NIBAN1: variants seen among roughly 807,000 people sequenced by gnomAD.
NIBAN1 encodes protein Niban 1.
Under a neutral mutation model 75.1 loss-of-function variants are expected in NIBAN1, and 81 were observed. That is an observed-to-expected ratio of 1.08 (90% confidence interval 0.90 to 1.30). The LOEUF (loss-of-function observed/expected upper bound fraction) is 1.30. NIBAN1 is among the 50% of genes most tolerant of loss of function. The probability of loss-of-function intolerance (pLI) is 0.00; values close to 1 mark genes in which losing one functional copy is unlikely to be tolerated. For synonymous variants in NIBAN1, 436 were observed against 424.8 expected (o/e 1.03, Z -0.32); for missense variants, 1,133 against 1,128.1 (o/e 1.00, Z -0.06).
chr1:184,831,336 G>A (rs1335372347), intron 6 of NIBAN1, among the ~76,000 whole-genome samples: 1 of 152,060 alleles, frequency 6.6e-6, no homozygotes, highest in Non-Finnish European at 1.5e-5. Flanking sequence ...ATTCAATAAA[G>A]ACAGCTGCGT....
intron 5 of NIBAN1, among the ~76,000 whole-genome samples, chr1:184,863,002 C>G (rs1655856426): frequency 6.6e-6 from 1 of 152,038 alleles, no homozygotes; most frequent in South Asian, 2.1e-4. Context: ...TCCCACCCTC[C>G]AGCCTCCGGA....
chr1:184,824,934 C>A (rs1473165771), intron 6 of NIBAN1, among the ~76,000 whole-genome samples: 1 of 152,146 alleles, frequency 6.6e-6, no homozygotes, highest in African/African-American at 2.4e-5. Context: ...GGCACAAACA[C>A]CTTATGGTGT....
chr1:184,920,049 A>T (rs1657490074), intron 1 of NIBAN1, among the ~76,000 whole-genome samples: 1 of 152,120 alleles, frequency 6.6e-6, no homozygotes, highest in Non-Finnish European at 1.5e-5. Context: ...AAATGAATGG[A>T]CAGGAAATGC....
At chr1:184,836,049 C>T (rs1164970580) in intron 5 of NIBAN1, among the ~76,000 whole-genome samples, 1 of 152,078 alleles carries the variant, frequency 6.6e-6, no homozygotes, top group Non-Finnish European at 1.5e-5. Context: ...ATTTTTTCCT[C>T]ATTATTTTTC....
intron 1 of NIBAN1, among the ~76,000 whole-genome samples, chr1:184,913,802 C>T (rs1571569297): frequency 6.6e-6 from 1 of 152,276 alleles, no homozygotes; most frequent in South Asian, 2.1e-4. Context: ...GAAAAGGAAA[C>T]ATTTTAAAAG....
At chr1:184,872,322 G>A (rs1448961730) in intron 5 of NIBAN1, among the ~76,000 whole-genome samples, 1 of 151,876 alleles carries the variant, frequency 6.6e-6, no homozygotes, top group Non-Finnish European at 1.5e-5. Flanking sequence ...AAATACAGAT[G>A]AAGAGAGAAG....
intron 5 of NIBAN1, among the ~76,000 whole-genome samples, chr1:184,838,431 A>G (rs1163811132): frequency 6.6e-6 from 1 of 152,220 alleles, no homozygotes; most frequent in East Asian, 1.9e-4. Context: ...CTGAGAAACG[A>G]TAAGCATTTG....
intron 5 of NIBAN1, among the ~76,000 whole-genome samples, chr1:184,846,734 T>C (rs1655450179): frequency 1.0e-4 from 1 of 9,918 alleles, no homozygotes; most frequent in Non-Finnish European, 1.9e-4. Flanking sequence ...GAAAAAAATT[T>C]AGAAGAATGT....
Position 184,846,992 on chromosome 1 carries a change from G to A in NIBAN1, c.602-15030C>T, listed in dbSNP as rs370694791. On this transcript the variant is annotated intron_variant, in intron 5 of 13. Coordinates refer to ENST00000367511, the MANE Select transcript of NIBAN1 (RefSeq NM_052966.4). ...GACTATGTGAAAAGACCAAATCTACGTCTGATTAGTGTACCTGAAAGTGAT... is the reference window on the plus strand; with the variant it reads ...GACTATGTGAAAAGACCAAATCTACATCTGATTAGTGTACCTGAAAGTGAT... 6.2e-4 allele frequency among the ~76,000 whole-genome samples: 54 copies of A among 86,762 alleles called. 1 individual carries two copies. The highest frequency in any genetic ancestry group is 6.2e-3 in the East Asian group (23 of 3,728). The allele number at this position is 86,762 out of a possible 152,430, so 56.9% of individuals were successfully genotyped here.
chr1:184,831,192 T>C (rs1654990033), intron 6 of NIBAN1, among the ~76,000 whole-genome samples: 1 of 152,122 alleles, frequency 6.6e-6, no homozygotes, highest in African/African-American at 2.4e-5. Flanking sequence ...TAGGCCATGA[T>C]TGGCATCTAG....
intron 6 of NIBAN1, among the ~76,000 whole-genome samples, chr1:184,829,314 A>C (rs1200768276): frequency 2.0e-5 from 3 of 152,072 alleles, no homozygotes; most frequent in Non-Finnish European, 2.9e-5. Flanking sequence ...TGTCTTCTGC[A>C]TGTTTTCTAT....
intron 1 of NIBAN1, among the ~76,000 whole-genome samples, chr1:184,948,952 T>C: frequency 6.6e-6 from 1 of 152,302 alleles, no homozygotes; most frequent in East Asian, 1.9e-4. Flanking sequence ...TAATTTAGAA[T>C]CAGAATTGTT....
At chr1:184,961,057 CTTT>C (rs1168955438) in intron 1 of NIBAN1, among the ~76,000 whole-genome samples, 1 of 57,810 alleles carries the variant, frequency 1.7e-5, no homozygotes, top group African/African-American at 9.5e-5. Context: ...ATATGCCGTT[CTTT>C]TTTTTTTTTT....
intron 1 of NIBAN1, among the ~76,000 whole-genome samples, chr1:184,942,698 A>AC (rs1658124323): frequency 6.7e-6 from 1 of 150,000 alleles, no homozygotes; most frequent in African/African-American, 2.5e-5. Flanking sequence ...CGTCTCAAAA[A>AC]AAAAAAAAAA....
chr1:184,957,215 C>G (rs1658513075), intron 1 of NIBAN1, among the ~76,000 whole-genome samples: 1 of 152,238 alleles, frequency 6.6e-6, no homozygotes. Context: ...TGCTCTCCCT[C>G]ACAACCATTC....
intron 5 of NIBAN1, among the ~76,000 whole-genome samples, chr1:184,832,776 T>C (rs1366269403): frequency 6.6e-6 from 1 of 152,144 alleles, no homozygotes; most frequent in East Asian, 1.9e-4. Flanking sequence ...GGAATGAATA[T>C]CTAATGGTGG....
intron 2 of NIBAN1, among the ~76,000 whole-genome samples, chr1:184,897,277 AGTGTGTGTGTGTGTGT>A (rs34548568): frequency 2.4e-4 from 32 of 132,582 alleles, no homozygotes; most frequent in East Asian, 4.5e-4. Context: ...TGTACTCCTA[AGTGTGTGTGTGTGTGT>A]GTGTGTGTGT....
chr1:184,958,471 T>C (rs1433656923), intron 1 of NIBAN1, among the ~76,000 whole-genome samples: 3 of 152,172 alleles, frequency 2.0e-5, no homozygotes, highest in African/African-American at 7.2e-5. Context: ...TTAGCTCATT[T>C]AAGGTAGCTA....
At chr1:184,933,431 T>C (rs2102035905) in intron 1 of NIBAN1, among the ~76,000 whole-genome samples, 1 of 152,366 alleles carries the variant, frequency 6.6e-6, no homozygotes, top group East Asian at 1.9e-4. Flanking sequence ...TGATCTCTTC[T>C]TCCTTTTAAA....
Sources: allele counts gnomAD v4.1 joint callset (sites outside exome capture counted in the v4.1 genomes callset), GRCh38; gene constraint gnomAD v4.1.1; transcripts MANE v1.5; gene names NCBI Gene and HGNC (gene_info 2026-07-23, HGNC 2026-07-21).